Variants in GALNT14 observed in about 807,000 individuals in gnomAD.
GALNT14 encodes the protein UDP-GalNAc:polypeptide N-acetylgalactosaminyltransferase 14.
Under a neutral mutation model 77.5 loss-of-function variants are expected in GALNT14, and 60 were observed. That is an observed-to-expected ratio of 0.77 (90% confidence interval 0.63 to 0.96). GALNT14 has a LOEUF of 0.96. Ranked by LOEUF, GALNT14 falls within the 40% of genes least tolerant of loss-of-function variation. GALNT14 has a pLI of 0.00. For synonymous variants in GALNT14, 280 were observed against 281.7 expected, an observed-to-expected ratio of 0.99 and a Z score of 0.06; for missense variants, 710 against 731.0, an observed-to-expected ratio of 0.97 and a Z score of 0.33.
chr2:30,909,089 C>A (rs1447405272), downstream of GALNT14, among the ~76,000 whole-genome samples: 1 of 151,914 alleles, frequency 6.6e-6, no homozygotes, highest in African/African-American at 2.4e-5. Context: ...AATGTTAGAC[C>A]TAAAACCATA....
intron 1 of GALNT14, among the ~76,000 whole-genome samples, chr2:31,100,512 C>T (rs1315271616): frequency 2.0e-5 from 3 of 151,992 alleles, no homozygotes; most frequent in African/African-American, 7.2e-5. Context: ...CTTCATACAG[C>T]AACAACTGCC....
chr2:31,023,551 C>T (rs1487098257), intron 1 of GALNT14, among the ~76,000 whole-genome samples: 2 of 152,108 alleles, frequency 1.3e-5, no homozygotes, highest in Non-Finnish European at 2.9e-5. Context: ...TCTGTTTGCA[C>T]TTTCTTCCCT....
At chr2:30,894,902 T>C in the GALNT14 span, among the ~76,000 whole-genome samples, 1 of 152,300 alleles carries the variant, frequency 6.6e-6, no homozygotes, top group South Asian at 2.1e-4. Flanking sequence ...AGCTTTGGAA[T>C]GTTCCGAGGC....
intron 2 of GALNT14, among the ~76,000 whole-genome samples, chr2:30,988,918 T>G (rs928214807): frequency 3.9e-5 from 6 of 152,178 alleles, no homozygotes; most frequent in African/African-American, 1.4e-4. Context: ...TTGTTCTAAG[T>G]CCCTGCTATT....
chr2:30,994,211 C>G (rs1669885277), intron 1 of GALNT14, among the ~76,000 whole-genome samples: 2 of 152,178 alleles, frequency 1.3e-5, no homozygotes, highest in Non-Finnish European at 2.9e-5. Context: ...TCATGTGTTA[C>G]TGAACCCAGT....
intron 1 of GALNT14, among the ~76,000 whole-genome samples, chr2:31,025,004 T>C (rs1347574386): frequency 6.6e-6 from 1 of 152,204 alleles, no homozygotes; most frequent in African/African-American, 2.4e-5. Context: ...GGCCAATCGC[T>C]TCATCTCTTT....
chr2:30,944,833 C>T (rs898250725), intron 8 of GALNT14, 25 bp downstream of exon 8: 9 of 1,566,528 alleles, frequency 5.7e-6, no homozygotes, highest in Admixed American at 3.5e-5. Context: ...GTCTGCCCAC[C>T]CCTGCACAGA....
intron 1 of GALNT14, among the ~76,000 whole-genome samples, chr2:31,045,235 A>C (rs752142658): frequency 2.0e-5 from 3 of 152,160 alleles, no homozygotes; most frequent in Non-Finnish European, 4.4e-5. Context: ...CCATTTCTAC[A>C]TGTCTCAGAA....
At chr2:31,006,090 G>A (rs941698962) in intron 1 of GALNT14, among the ~76,000 whole-genome samples, 4 of 152,098 alleles carry the variant, frequency 2.6e-5, no homozygotes, top group Non-Finnish European at 4.4e-5. Flanking sequence ...ACTTAGTCCC[G>A]AAGGGACTTC....
chr2:31,048,066 G>A (rs58027920), intron 1 of GALNT14, among the ~76,000 whole-genome samples: 2,551 of 152,344 alleles, frequency 0.017, 77 homozygotes, highest in African/African-American at 0.056. Context: ...CTGAGCAGGT[G>A]AGACGCTTCC....
At chr2:30,955,879 A>T (rs917482011) in intron 5 of GALNT14, 33 bp downstream of exon 5, 2 of 1,613,176 alleles carry the variant, frequency 1.2e-6, no homozygotes, top group Admixed American at 3.3e-5. Context: ...CGACACTCAC[A>T]CTGGAGGCTC....
intron 2 of GALNT14, among the ~76,000 whole-genome samples, chr2:30,991,837 G>C (rs574190408): frequency 6.6e-6 from 1 of 152,310 alleles, no homozygotes; most frequent in Non-Finnish European, 1.5e-5. Flanking sequence ...ACCATCTTAA[G>C]AACTGCCAGA....
chr2:30,965,957 T>C (rs1314978332), intron 3 of GALNT14, among the ~76,000 whole-genome samples: 2 of 152,202 alleles, frequency 1.3e-5, no homozygotes, highest in Non-Finnish European at 2.9e-5. Flanking sequence ...CTTCTACTTA[T>C]TCTCTTTGAC....
At chr2:30,942,094 G>T (rs1558425861) in intron 9 of GALNT14, 107 bp downstream of exon 9, 1 of 717,436 alleles carries the variant, frequency 1.4e-6, no homozygotes, top group Non-Finnish European at 2.4e-6. Flanking sequence ...CAAAGCACGT[G>T]TCACTCTCTG....
intron 1 of GALNT14, among the ~76,000 whole-genome samples, chr2:31,133,531 T>C (rs1204415885): frequency 1.3e-5 from 2 of 152,246 alleles, no homozygotes; most frequent in Non-Finnish European, 2.9e-5. Flanking sequence ...AGGCATTTTA[T>C]TCAAAGCCTT....
At chr2:30,989,693 GTATATATATAAATATATATATTAGTA>G (rs1400727311) in intron 2 of GALNT14, among the ~76,000 whole-genome samples, 3 of 123,304 alleles carry the variant, frequency 2.4e-5, no homozygotes, top group East Asian at 2.3e-4. Context: ...ATATATATTA[GTATATATATAAATATATATATTAGTA>G]TATATATATA....
chr2:31,014,608 C>A (rs1244479578), intron 1 of GALNT14, among the ~76,000 whole-genome samples: 1 of 152,164 alleles, frequency 6.6e-6, no homozygotes, highest in East Asian at 1.9e-4. Context: ...CTGAGGAACG[C>A]AGCATGCTGG....
rs191575195 is a variant in GALNT14 at position 30,984,164 on chromosome 2, T to C, written c.299+8674A>G. Among the ~76,000 whole-genome samples the C allele has an allele frequency of 9.3e-4, 142 of 152,322 alleles. 1 individual carries two copies. Among genetic ancestry groups the C allele is most frequent in the Middle Eastern group, 3.4e-3 (1 of 294 alleles). On this transcript the variant is annotated intron_variant, in intron 2 of 14. Coordinates refer to ENST00000349752, the MANE Select transcript of GALNT14 (RefSeq NM_024572.4). ...CTCCCCTAAGACTAGCTCCTGCTTC[T>C]CACTGTTCCTGCCTCACTTCAGAAC...
In GALNT14 at chr2:30,966,278, C is replaced by T. The variant is rs11539328; in HGVS notation, c.324G>A (p.Thr108=). 29,003 of 1,613,660 alleles carry T rather than the reference C, an allele frequency of 0.018. 407 individuals are homozygous for T. The highest frequency in any genetic ancestry group is 0.064 in the Admixed American group (3,828 of 60,006). ...TGATGATGCTAGTGGGTGGAAGGTCCGTGCAATACACCAGCAGTGTGCATC... is the reference window on the plus strand; with the variant it reads ...TGATGATGCTAGTGGGTGGAAGGTCTGTGCAATACACCAGCAGTGTGCATC... ...HLRCTLLVYC[T]DLPPTSIIIT... Residue 108 remains threonine (T), a synonymous_variant, in exon 3 of 15, where the codon ACG becomes ACA. Transcript: ENST00000349752.
Sources: gnomAD v4.1 joint callset for allele counts (sites outside exome capture counted in the v4.1 genomes callset) on GRCh38, gnomAD v4.1.1 for gene constraint, MANE v1.5 for transcripts, NCBI Gene and HGNC (gene_info 2026-07-23, HGNC 2026-07-21) for gene names.